The following PDS5B variants were observed in gnomAD, a reference collection of about 807,000 sequenced individuals.
PDS5B encodes the protein PDS5 cohesin associated factor B, also known as sister chromatid cohesion protein PDS5 homolog B.
In PDS5B, 51 loss-of-function variants were observed where a neutral mutation model predicts 184.1. The observed-to-expected ratio is 0.28, with a 90% CI of 0.22 to 0.35. The LOEUF (loss-of-function observed/expected upper bound fraction) is 0.35, where lower values mean the gene tolerates loss of function less well. PDS5B is among the 10% of genes least tolerant of loss of function. PDS5B has a pLI of 1.00. For missense variants in PDS5B, 1,180 were observed against 1,723.3 expected (o/e 0.68, Z 5.58); for synonymous variants, 566 against 569.2 (o/e 0.99, Z 0.08).
intron 26 of PDS5B, 43 bp downstream of exon 26, chr13:32,755,999 T>A: frequency 3.3e-6 from 3 of 920,808 alleles, no homozygotes; most frequent in Non-Finnish European, 5.3e-6. Flanking sequence ...CTGAAAGTTA[T>A]TTTTTCTCCT....
chr13:32,669,687 T>C (rs1950884799), intron 7 of PDS5B, among the ~76,000 whole-genome samples: 2 of 152,182 alleles, frequency 1.3e-5, no homozygotes, highest in Admixed American at 1.3e-4. Context: ...AACTTTCATA[T>C]TATGTCTTTA....
chr13:32,600,952 T>C (rs1441037758), intron 1 of PDS5B, among the ~76,000 whole-genome samples: 1 of 152,212 alleles, frequency 6.6e-6, no homozygotes, highest in Non-Finnish European at 1.5e-5. Flanking sequence ...TATATTTTTA[T>C]ATTTTTGAGG....
At chr13:32,598,760 T>TC (rs1417768751) in intron 1 of PDS5B, among the ~76,000 whole-genome samples, 2 of 146,528 alleles carry the variant, frequency 1.4e-5, no homozygotes, top group Admixed American at 1.4e-4. Context: ...GTTGATGGTT[T>TC]TTTTTCTCTC....
chr13:32,634,709 G>A (rs1313757458), intron 1 of PDS5B, among the ~76,000 whole-genome samples: 2 of 151,578 alleles, frequency 1.3e-5, no homozygotes, highest in Non-Finnish European at 1.5e-5. Flanking sequence ...TCAGCCTCCC[G>A]AGTAGCGGGG....
At chr13:32,602,741 C>T (rs1330888941) in intron 1 of PDS5B, among the ~76,000 whole-genome samples, 1 of 152,218 alleles carries the variant, frequency 6.6e-6, no homozygotes, top group Non-Finnish European at 1.5e-5. Flanking sequence ...TATTTCTCCA[C>T]ATCCTCTCTA....
intron 14 of PDS5B, among the ~76,000 whole-genome samples, chr13:32,696,235 TTTTTG>T (rs1212852564): frequency 6.6e-6 from 1 of 152,112 alleles, no homozygotes; most frequent in Non-Finnish European, 1.5e-5. Context: ...TCAATGACTT[TTTTTG>T]TTTCTGGTTT....
At chr13:32,751,680 G>A (rs922877996) in intron 24 of PDS5B, among the ~76,000 whole-genome samples, 5 of 152,048 alleles carry the variant, frequency 3.3e-5, no homozygotes, top group Non-Finnish European at 7.4e-5. Flanking sequence ...TATGTCCTTT[G>A]CCCACTTTTT....
At chr13:32,609,056 A>G (rs1346227050) in intron 1 of PDS5B, among the ~76,000 whole-genome samples, 1 of 152,240 alleles carries the variant, frequency 6.6e-6, no homozygotes, top group Non-Finnish European at 1.5e-5. Context: ...CAAAGCCATC[A>G]CAGTTCACCC....
intron 1 of PDS5B, among the ~76,000 whole-genome samples, chr13:32,639,780 T>C (rs1268329884): frequency 2.0e-5 from 3 of 152,248 alleles, no homozygotes; most frequent in Non-Finnish European, 4.4e-5. Context: ...TTACAAAATC[T>C]TATGTTTTCC....
intron 1 of PDS5B, among the ~76,000 whole-genome samples, chr13:32,623,148 T>C (rs1191940635): frequency 6.6e-6 from 1 of 152,194 alleles, no homozygotes; most frequent in Non-Finnish European, 1.5e-5. Context: ...TTTCTTGGTA[T>C]GGGTCACCAG....
At chr13:32,748,523 C>T (rs942188456) in intron 24 of PDS5B, among the ~76,000 whole-genome samples, 9 of 149,104 alleles carry the variant, frequency 6.0e-5, no homozygotes, top group Non-Finnish European at 8.9e-5. Context: ...TCAACTTCTT[C>T]ACTTACACAG....
intron 31 of PDS5B, 78 bp downstream of exon 31, chr13:32,764,672 A>G (rs1253343777): frequency 1.0e-5 from 7 of 696,630 alleles, no homozygotes; most frequent in Middle Eastern, 2.7e-4. Context: ...ACCAGTTAAC[A>G]TGACTATCAA....
chr13:32,621,681 T>C (rs576483769), intron 1 of PDS5B, among the ~76,000 whole-genome samples: 1 of 151,082 alleles, frequency 6.6e-6, no homozygotes, highest in African/African-American at 2.4e-5. Flanking sequence ...CATTTTTTTT[T>C]CTAGGAAATA....
intron 13 of PDS5B, chr13:32,688,811 T>A: frequency 2.3e-6 from 1 of 434,428 alleles, no homozygotes; most frequent in Non-Finnish European, 4.2e-6. Context: ...GGATTTGAGT[T>A]TTCTATTCAT....
chr13:32,710,299 G>A (rs1216060748), intron 19 of PDS5B, among the ~76,000 whole-genome samples, 193 bp downstream of exon 19: 1 of 152,154 alleles, frequency 6.6e-6, no homozygotes, highest in East Asian at 1.9e-4. Flanking sequence ...GCATGAGTGT[G>A]GGGGATAAAC....
intron 20 of PDS5B, among the ~76,000 whole-genome samples, chr13:32,733,416 A>C (rs1953193610): frequency 6.6e-6 from 1 of 152,174 alleles, no homozygotes; most frequent in African/African-American, 2.4e-5. Flanking sequence ...AAAATTACCA[A>C]ACTTATAATC....
intron 27 of PDS5B, 59 bp downstream of exon 27, chr13:32,758,278 A>T (rs1421727566): frequency 2.3e-5 from 30 of 1,309,368 alleles, no homozygotes; most frequent in Non-Finnish European, 2.7e-5. Flanking sequence ...TTAGGTGTAA[A>T]GTATGAAACT....
intron 19 of PDS5B, among the ~76,000 whole-genome samples, chr13:32,730,165 G>C (rs900839709): frequency 6.6e-6 from 1 of 152,074 alleles, no homozygotes; most frequent in African/African-American, 2.4e-5. Context: ...TCTGCATATG[G>C]CTGGCCAGTT....
At chr13:32,614,296 A>G (rs1370513163) in intron 1 of PDS5B, among the ~76,000 whole-genome samples, 1 of 131,866 alleles carries the variant, frequency 7.6e-6, no homozygotes. Flanking sequence ...TTCACATTGG[A>G]ATTTTTTTTT....
Sources: allele counts gnomAD v4.1 joint callset (sites outside exome capture counted in the v4.1 genomes callset), GRCh38; gene constraint gnomAD v4.1.1; transcripts MANE v1.5; gene names NCBI Gene and HGNC (gene_info 2026-07-23, HGNC 2026-07-21).